POLN: variants seen among roughly 807,000 people sequenced by gnomAD.
POLN encodes DNA polymerase N.
Under a neutral mutation model 113.5 loss-of-function variants are expected in POLN, and 108 were observed. The observed-to-expected ratio is 0.95, with a 90% confidence interval of 0.81 to 1.12. The LOEUF is 1.12. Among genes scored for constraint, POLN ranks in the 50% most tolerant of loss-of-function variants. The pLI is 0.00. For synonymous variants in POLN, 386 were observed against 391.5 expected (o/e 0.99, Z 0.17); for missense variants, 1,097 against 1,077.1 (o/e 1.02, Z -0.26).
intron 24 of POLN, among the ~76,000 whole-genome samples, chr4:2,073,237 C>T (rs1007778726): frequency 2.0e-5 from 3 of 152,170 alleles, no homozygotes; most frequent in African/African-American, 7.2e-5. Context: ...GAGTCCAGCT[C>T]CCCCGGCCCC....
At chr4:2,129,738 G>C (rs1197866080) in intron 17 of POLN, among the ~76,000 whole-genome samples, 1 of 152,038 alleles carries the variant, frequency 6.6e-6, no homozygotes, top group Non-Finnish European at 1.5e-5. Flanking sequence ...AGTTAACTAG[G>C]TTTTCTGTTT....
chr4:2,083,387 C>T (rs1217559185), intron 21 of POLN, among the ~76,000 whole-genome samples: 2 of 152,216 alleles, frequency 1.3e-5, no homozygotes, highest in Admixed American at 1.3e-4. Flanking sequence ...ACTCATTTGC[C>T]TCTTTTCTCT....
intron 22 of POLN, chr4:2,081,276 G>T: frequency 8.3e-7 from 1 of 1,209,906 alleles, no homozygotes; most frequent in Non-Finnish European, 1.2e-6. Flanking sequence ...CCTCACCCCT[G>T]CCAGGCATGC....
chr4:2,137,065 C>T (rs962717212), intron 16 of POLN, among the ~76,000 whole-genome samples: 2 of 152,228 alleles, frequency 1.3e-5, no homozygotes, highest in Admixed American at 6.5e-5. Context: ...GGGCCCACGG[C>T]GTTTTCACCG....
At chr4:2,105,682 G>A (rs1347531611) in intron 19 of POLN, among the ~76,000 whole-genome samples, 2 of 151,880 alleles carry the variant, frequency 1.3e-5, no homozygotes, top group Non-Finnish European at 2.9e-5. Flanking sequence ...AGTAGGGAGG[G>A]GACATGAATC....
chr4:2,073,567 C>T (rs1040928180), intron 24 of POLN, among the ~76,000 whole-genome samples: 2 of 152,224 alleles, frequency 1.3e-5, no homozygotes, highest in East Asian at 1.9e-4. Context: ...GTTGTTGGGG[C>T]GTGGATCACC....
At chr4:2,074,882 G>A (rs1033514216) in intron 24 of POLN, among the ~76,000 whole-genome samples, 4 of 152,136 alleles carry the variant, frequency 2.6e-5, no homozygotes, top group Admixed American at 2.6e-4. Flanking sequence ...CCTCCCAAGG[G>A]AGAGAGAAAG....
chr4:2,181,229 C>G (rs1733133489), intron 7 of POLN, among the ~76,000 whole-genome samples: 1 of 152,178 alleles, frequency 6.6e-6, no homozygotes, highest in Admixed American at 6.5e-5. Flanking sequence ...ACTGCAACCT[C>G]TGCCTCTCAG....
chr4:2,197,642 C>G (rs1256344545), intron 6 of POLN, among the ~76,000 whole-genome samples: 1 of 152,152 alleles, frequency 6.6e-6, no homozygotes, highest in South Asian at 2.1e-4. Flanking sequence ...TAGACCTGAC[C>G]AGTTGTTCTT....
chr4:2,171,522 T>C (rs1005768694), intron 11 of POLN, among the ~76,000 whole-genome samples: 1 of 152,050 alleles, frequency 6.6e-6, no homozygotes, highest in Non-Finnish European at 1.5e-5. Flanking sequence ...AACTGTGCCA[T>C]TGCACTGCAG....
intron 17 of POLN, 92 bp downstream of exon 17, chr4:2,131,141 C>T (rs1731717671): frequency 1.1e-6 from 1 of 903,964 alleles, no homozygotes; most frequent in Non-Finnish European, 1.7e-6. Flanking sequence ...GCTGTGATCG[C>T]ACAAATGCAC....
intron 16 of POLN, among the ~76,000 whole-genome samples, chr4:2,150,048 A>G (rs1433946489): frequency 6.6e-6 from 1 of 152,032 alleles, no homozygotes; most frequent in African/African-American, 2.4e-5. Context: ...ACGCCACTGC[A>G]CTCCAGCCTG....
chr4:2,104,653 C>T (rs1445248979), intron 19 of POLN, among the ~76,000 whole-genome samples: 2 of 152,212 alleles, frequency 1.3e-5, no homozygotes, highest in African/African-American at 2.4e-5. Context: ...GACTGAGCAA[C>T]ATGGGCCTAT....
intron 23 of POLN, chr4:2,080,075 C>CA (rs1730367657): frequency 1.0e-6 from 1 of 985,482 alleles, no homozygotes; most frequent in Non-Finnish European, 1.2e-6. Flanking sequence ...CATGGTGTGT[C>CA]AGAGGGCGAG....
At chr4:2,112,266 C>A (rs1731214102) in intron 19 of POLN, among the ~76,000 whole-genome samples, 2 of 152,268 alleles carry the variant, frequency 1.3e-5, no homozygotes, top group South Asian at 4.1e-4. Context: ...CATGTTAGAC[C>A]TAAAACCATA....
At chr4:2,201,962 C>A (rs1733726828) in intron 5 of POLN, among the ~76,000 whole-genome samples, 1 of 152,128 alleles carries the variant, frequency 6.6e-6, no homozygotes, top group Admixed American at 6.5e-5. Context: ...CCTTTTCAGA[C>A]AAACAAATGC....
intron 23 of POLN, chr4:2,080,266 C>G (rs910126788): frequency 2.0e-6 from 2 of 987,722 alleles, no homozygotes; most frequent in African/African-American, 1.7e-5. Context: ...GGCTGCTTGT[C>G]CCCTGGCCAC....
At chr4:2,214,758 G>C (rs1429004808) in intron 3 of POLN, among the ~76,000 whole-genome samples, 2 of 152,082 alleles carry the variant, frequency 1.3e-5, no homozygotes, top group East Asian at 1.9e-4. Context: ...GACCCACAGG[G>C]AGCTCAAGAT....
At chr4:2,226,002 G>T (rs1174612992) in intron 3 of POLN, among the ~76,000 whole-genome samples, 1 of 151,850 alleles carries the variant, frequency 6.6e-6, no homozygotes, top group Non-Finnish European at 1.5e-5. Context: ...AAAAAAAAAA[G>T]TAAGTTTATC....
Sources: allele counts gnomAD v4.1 joint callset (sites outside exome capture counted in the v4.1 genomes callset), GRCh38; gene constraint gnomAD v4.1.1; transcripts MANE v1.5; gene names NCBI Gene and HGNC (gene_info 2026-07-23, HGNC 2026-07-21).